Variants in ABTB2 observed in about 807,000 individuals in gnomAD.
The protein encoded by ABTB2 is ankyrin repeat and BTB/POZ domain-containing protein 2.
ABTB2 carries 56 observed loss-of-function variants against 104.1 expected under a neutral mutation model. The observed-to-expected ratio is 0.54, with a 90% CI of 0.43 to 0.67. The LOEUF is 0.67. ABTB2 is among the 30% of genes least tolerant of loss of function. The probability of loss-of-function intolerance (pLI) is 0.00; values close to 1 mark genes in which losing one functional copy is unlikely to be tolerated. For missense variants in ABTB2, 1,279 were observed against 1,407.7 expected, an observed-to-expected ratio of 0.91 and a Z score of 1.46; for synonymous variants, 606 against 608.2, an observed-to-expected ratio of 1.00 and a Z score of 0.05.
Position 34,278,094 on chromosome 11 carries a change from C to T in ABTB2, c.884-73404G>A, listed in dbSNP as rs140187925. On this transcript the variant is annotated intron_variant, in intron 1 of 16. Coordinates refer to ENST00000435224, the MANE Select transcript of ABTB2 (RefSeq NM_145804.3). The stretch of plus-strand genomic sequence containing the variant: ...CTGGGATTACAGGCGTGAGCCACTG[C>T]GCCTGGCTCAGATTCTCCTTTCTTA... Among the ~76,000 whole-genome samples the T allele has an allele frequency of 5.4e-3, 815 of 151,826 alleles. 8 individuals are homozygous for T. The highest frequency in any genetic ancestry group is 0.018 in the African/African-American group (757 of 41,386).
intron 14 of ABTB2, among the ~76,000 whole-genome samples, chr11:34,157,842 G>T (rs1395495584): frequency 1.3e-5 from 2 of 152,170 alleles, no homozygotes; most frequent in Admixed American, 6.5e-5. Context: ...TGGTCCCCTG[G>T]AGGTGGCCAT....
intron 3 of ABTB2, among the ~76,000 whole-genome samples, chr11:34,195,082 G>GC (rs1554982340): frequency 2.1e-5 from 2 of 95,058 alleles, no homozygotes; most frequent in East Asian, 3.3e-4. Context: ...CGGCGGGGGG[G>GC]GGGAGTGGGG....
chr11:34,234,384 C>T (rs1307205241), intron 1 of ABTB2, among the ~76,000 whole-genome samples: 2 of 152,186 alleles, frequency 1.3e-5, no homozygotes, highest in Non-Finnish European at 2.9e-5. Context: ...AGGCTGTAAC[C>T]GGAATATCAG....
rs565174048 is a variant in ABTB2, at chr11:34,196,048, C to A, written c.1244+1277G>T. ...GGTGAAATGTGTGTGGATGGGGCTT[C>A]CTAAACTGAGTGCAAGCCTTTCCCA... On this transcript the variant is annotated intron_variant, in intron 3 of 16. Transcript: ENST00000435224. Among the ~76,000 whole-genome samples, 20 of 152,292 alleles carry A rather than the reference C, an allele frequency of 1.3e-4. No homozygotes were observed. In the South Asian group the frequency reaches 4.1e-3, roughly 32 times the overall value.
At chr11:34,326,024 A>G (rs1329129409) in intron 1 of ABTB2, among the ~76,000 whole-genome samples, 2 of 150,556 alleles carry the variant, frequency 1.3e-5, no homozygotes, top group African/African-American at 2.4e-5. Flanking sequence ...ATAAAGAAAA[A>G]GCTGGATAAA....
At chr11:34,251,530 TGCCCA>T (rs1854057236) in intron 1 of ABTB2, among the ~76,000 whole-genome samples, 1 of 152,234 alleles carries the variant, frequency 6.6e-6, no homozygotes, top group South Asian at 2.1e-4. Context: ...GTCCATGCCA[TGCCCA>T]GCAGGATGTC....
chr11:34,344,549 T>A (rs1345166672), intron 1 of ABTB2, among the ~76,000 whole-genome samples: 3 of 152,160 alleles, frequency 2.0e-5, no homozygotes, highest in African/African-American at 7.2e-5. Flanking sequence ...CTGGAGTGCA[T>A]GCAGTGGTGT....
At chr11:34,219,008 T>C (rs972234751) in intron 1 of ABTB2, among the ~76,000 whole-genome samples, 2 of 151,742 alleles carry the variant, frequency 1.3e-5, no homozygotes, top group African/African-American at 4.8e-5. Flanking sequence ...TCATCATTCA[T>C]TCACTTATCC....
At chr11:34,208,696 C>T (rs1265759097) in intron 1 of ABTB2, among the ~76,000 whole-genome samples, 1 of 152,086 alleles carries the variant, frequency 6.6e-6, no homozygotes, top group East Asian at 1.9e-4. Flanking sequence ...ACCTCCTCTT[C>T]CACCAGCCCC....
chr11:34,250,325 G>T (rs1036484033), intron 1 of ABTB2, among the ~76,000 whole-genome samples: 6 of 152,238 alleles, frequency 3.9e-5, no homozygotes, highest in Admixed American at 2.0e-4. Context: ...AGTACAACCA[G>T]ACTGCAATCT....
intron 1 of ABTB2, among the ~76,000 whole-genome samples, chr11:34,351,235 A>G (rs1418093451): frequency 6.6e-6 from 1 of 152,176 alleles, no homozygotes; most frequent in African/African-American, 2.4e-5. Flanking sequence ...AGGCAGATGG[A>G]GTGGGACACA....
rs1852691240 is a variant in ABTB2, at chr11:34,160,252, C to A, written c.2499G>T (p.Arg833Ser). Residue 833 changes from arginine (R) to serine (S), a missense_variant, in exon 12 of 17, where the codon AGG becomes AGT. Physicochemically the swap from Arg to Ser is moderately radical, Grantham distance 110. Coordinates refer to ENST00000435224, the MANE Select transcript of ABTB2 (RefSeq NM_145804.3). ...GCGCAGGGGGCGCGCCTTCACCTAG[C>A]CTGGCCGGCAGGGTCTTCCGGATCT... ...IPEIRKTLPARLDPHFLNNKE... is the reference protein window; with the variant it reads ...IPEIRKTLPASLDPHFLNNKE... The A allele has an allele frequency of 6.2e-7, 1 of 1,613,372 alleles. No homozygotes were observed. The highest frequency in any genetic ancestry group is 1.1e-5 in the South Asian group (1 of 91,058).
chr11:34,335,905 G>GT (rs1564935372), intron 1 of ABTB2: 17 of 749,226 alleles, frequency 2.3e-5, no homozygotes, highest in African/African-American at 5.3e-5. Flanking sequence ...ACAATCCTGC[G>GT]GTTGAAAAGG....
At chr11:34,318,339 C>T (rs1854964886) in intron 1 of ABTB2, among the ~76,000 whole-genome samples, 1 of 152,146 alleles carries the variant, frequency 6.6e-6, no homozygotes, top group African/African-American at 2.4e-5. Context: ...GTTTAGCTCC[C>T]ATTTATGAGA....
chr11:34,229,171 T>C (rs1229705867), intron 1 of ABTB2, among the ~76,000 whole-genome samples: 1 of 147,508 alleles, frequency 6.8e-6, no homozygotes, highest in Non-Finnish European at 1.5e-5. Flanking sequence ...TCTCATTTAG[T>C]GATGATTCTT....
At chr11:34,339,627 C>T (rs1855238521) in intron 1 of ABTB2, among the ~76,000 whole-genome samples, 2 of 151,992 alleles carry the variant, frequency 1.3e-5, no homozygotes, top group African/African-American at 4.8e-5. Flanking sequence ...GAGATTGGTG[C>T]TTCCCTGAGT....
intron 1 of ABTB2, among the ~76,000 whole-genome samples, chr11:34,261,237 A>T (rs1854184156): frequency 6.6e-6 from 1 of 152,224 alleles, no homozygotes; most frequent in Non-Finnish European, 1.5e-5. Flanking sequence ...ATATAAGTTA[A>T]TATAAAAAAC....
rs369116045 is a variant in ABTB2 at position 34,163,942 on chromosome 11, C to T, written c.1988+744G>A. 5.4e-4 allele frequency among the ~76,000 whole-genome samples: 78 copies of T among 145,572 alleles called. 2 individuals are homozygous for T. The South Asian group carries it at 0.017, about 31-fold the overall frequency. ...CTAGAGGTGGTGATGTGAAAGATGG[C>T]GCCTGGAGGGTGAGGGTGGCTGGGG... On this transcript the variant is annotated intron_variant, in intron 9 of 16. Coordinates refer to ENST00000435224, the MANE Select transcript of ABTB2 (RefSeq NM_145804.3).
At chr11:34,275,947 C>A (rs1348658307) in intron 1 of ABTB2, among the ~76,000 whole-genome samples, 2 of 152,112 alleles carry the variant, frequency 1.3e-5, no homozygotes, top group Non-Finnish European at 2.9e-5. Flanking sequence ...CACAACAGGG[C>A]CATTGCTAGA....
Sources: allele counts gnomAD v4.1 joint callset (sites outside exome capture counted in the v4.1 genomes callset), GRCh38; gene constraint gnomAD v4.1.1; transcripts MANE v1.5; gene names NCBI Gene and HGNC (gene_info 2026-07-23, HGNC 2026-07-21).